The following MAGI1 variants were observed in gnomAD, a reference collection of about 807,000 sequenced individuals.
The protein encoded by MAGI1 is membrane-associated guanylate kinase, WW and PDZ domain-containing protein 1.
In MAGI1, 58 loss-of-function variants were observed where a neutral mutation model predicts 139.9. That is an observed-to-expected ratio of 0.41 (90% CI 0.34 to 0.52). The LOEUF (loss-of-function observed/expected upper bound fraction) is 0.52, where lower values mean the gene tolerates loss of function less well. Among genes scored for constraint, MAGI1 ranks in the 20% least tolerant of loss-of-function variants. MAGI1 has a pLI of 0.12. For synonymous variants in MAGI1, 812 were observed against 737.9 expected, an observed-to-expected ratio of 1.10 and a Z score of -1.63; for missense variants, 1,874 against 1,901.6, an observed-to-expected ratio of 0.99 and a Z score of 0.27.
At chr3:65,949,619 T>C (rs2063700527) in intron 1 of MAGI1, among the ~76,000 whole-genome samples, 2 of 152,214 alleles carry the variant, frequency 1.3e-5, no homozygotes, top group African/African-American at 4.8e-5. Context: ...GAGTTCAACT[T>C]TCTCTCCAAA....
chr3:65,592,326 TG>T (rs2082007521), intron 2 of MAGI1, among the ~76,000 whole-genome samples: 1 of 152,182 alleles, frequency 6.6e-6, no homozygotes, highest in African/African-American at 2.4e-5. Flanking sequence ...AAAGTCAAGT[TG>T]TAACTGAATA....
At chr3:65,782,480 C>CT (rs1455197290) in intron 1 of MAGI1, among the ~76,000 whole-genome samples, 1 of 152,020 alleles carries the variant, frequency 6.6e-6, no homozygotes, top group Non-Finnish European at 1.5e-5. Context: ...TGTTAAGGCA[C>CT]TCACTTTGTG....
intron 1 of MAGI1, among the ~76,000 whole-genome samples, chr3:65,850,981 C>T (rs900424153): frequency 6.6e-5 from 10 of 152,118 alleles, no homozygotes; most frequent in African/African-American, 2.4e-4. Context: ...GTGGCAGGTG[C>T]CTGTAATCCT....
intron 1 of MAGI1, chr3:65,924,929 C>T (rs2062419346): frequency 6.6e-6 from 1 of 152,138 alleles, no homozygotes; most frequent in Non-Finnish European, 1.5e-5. Context: ...TCCATAAAAA[C>T]CCTCTGAGAG....
intron 1 of MAGI1, among the ~76,000 whole-genome samples, chr3:65,922,754 C>A (rs1239922429): frequency 6.6e-6 from 1 of 152,126 alleles, no homozygotes; most frequent in African/African-American, 2.4e-5. Flanking sequence ...GCACTTCATC[C>A]CCAAAGAAAA....
intron 12 of MAGI1, among the ~76,000 whole-genome samples, chr3:65,421,441 T>C (rs1028978565): frequency 1.3e-5 from 2 of 152,164 alleles, no homozygotes; most frequent in African/African-American, 4.8e-5. Flanking sequence ...CCACAGATAG[T>C]GGTGAGTGAG....
intron 5 of MAGI1, 29 bp from the exon 6 acceptor site, chr3:65,453,369 T>C (rs1461654483): frequency 1.3e-6 from 2 of 1,527,270 alleles, no homozygotes; most frequent in Non-Finnish European, 1.8e-6. Flanking sequence ...AATAAGAAAT[T>C]TGTTTGAAAA....
At position 65,418,953 on chromosome 3, in the gene MAGI1, T is replaced by A. The variant is rs189704125; in HGVS notation, c.2167+10567A>T. On this transcript the variant is annotated intron_variant, in intron 12 of 22. Transcript: ENST00000402939. ...CTGCTACAATGGTCTTGTGACACTG[T>A]CTTCTCTTGGGTTCTGTGATACAAC... Among the ~76,000 whole-genome samples the A allele has an allele frequency of 3.8e-3, 575 of 152,300 alleles. 3 individuals are homozygous for A. The highest frequency in any genetic ancestry group is 5.6e-3 in the Non-Finnish European group (381 of 68,026).
chr3:65,509,167 G>T (rs1008999408), intron 2 of MAGI1, among the ~76,000 whole-genome samples: 1 of 5,894 alleles, frequency 1.7e-4, no homozygotes, highest in Non-Finnish European at 7.9e-3. Context: ...GCCTCCAATG[G>T]GTTGTTTCAA....
chr3:65,522,051 G>A (rs1190532074), intron 2 of MAGI1, among the ~76,000 whole-genome samples: 1 of 152,004 alleles, frequency 6.6e-6, no homozygotes, highest in Non-Finnish European at 1.5e-5. Context: ...AATCCAAACG[G>A]AATTTCATAC....
chr3:65,655,295 T>G (rs17073283), intron 1 of MAGI1, among the ~76,000 whole-genome samples: 1 of 151,948 alleles, frequency 6.6e-6, no homozygotes, highest in South Asian at 2.1e-4. Flanking sequence ...TGTAAACCCA[T>G]AAAGGCTCAA....
In MAGI1 at chr3:65,364,897, G is replaced by C; in HGVS notation, c.3246C>G (p.Ile1082Met). ...GCTGAGAAGGGGTGTGTGTGGTGGT[G>C]ATGGTGGCAATCTTCTCTGCATTGG... ...LLTNAEKIAT[I>M]TTTHTPSQQG... is the part of the protein sequence containing the mutation. The change falls in exon 19 of 23, where the codon ATC becomes ATG. Residue 1082 changes from isoleucine (I) to methionine (M), a missense_variant. By Grantham distance (10) the Ile-to-Met change is conservative. Transcript: ENST00000402939. The C allele has an allele frequency of 6.2e-7, 1 of 1,614,062 alleles. No individual in the cohort carries two copies. Among genetic ancestry groups the C allele is most frequent in the Non-Finnish European group, 8.5e-7 (1 of 1,179,966 alleles).
intron 2 of MAGI1, among the ~76,000 whole-genome samples, chr3:65,527,598 G>A (rs2078446229): frequency 1.3e-5 from 2 of 152,086 alleles, no homozygotes; most frequent in African/African-American, 2.4e-5. Flanking sequence ...GGTGGCAGAC[G>A]CCTGTAGTCC....
chr3:65,936,541 GC>G (rs1201509455), intron 1 of MAGI1, among the ~76,000 whole-genome samples: 18 of 150,558 alleles, frequency 1.2e-4, no homozygotes, highest in African/African-American at 3.2e-4. Flanking sequence ...CAGGCAGTGG[GC>G]CAAGATCACA....
chr3:65,766,466 G>T (rs1220524194), intron 1 of MAGI1, among the ~76,000 whole-genome samples: 1 of 152,036 alleles, frequency 6.6e-6, no homozygotes, highest in African/African-American at 2.4e-5. Flanking sequence ...TATTCTCCAT[G>T]TTGGTCAGGC....
At chr3:65,619,846 G>T (rs1037395448) in intron 2 of MAGI1, 1 of 984,286 alleles carries the variant, frequency 1.0e-6, no homozygotes, top group African/African-American at 1.7e-5. Flanking sequence ...AAAATGAATT[G>T]TTACCTGTTT....
chr3:65,525,172 G>C (rs769934640), intron 2 of MAGI1, among the ~76,000 whole-genome samples: 11 of 152,050 alleles, frequency 7.2e-5, no homozygotes, highest in Admixed American at 3.3e-4. Context: ...CCATCAATCA[G>C]CAAGACTGCC....
At chr3:65,452,450 T>C (rs771122320) in intron 6 of MAGI1, 2 of 152,186 alleles carry the variant, frequency 1.3e-5, no homozygotes, top group Non-Finnish European at 2.9e-5. Flanking sequence ...CATGCCAGAA[T>C]TGAATAATGA....
intron 1 of MAGI1, among the ~76,000 whole-genome samples, chr3:65,706,136 A>G: frequency 6.6e-6 from 1 of 152,196 alleles, no homozygotes; most frequent in East Asian, 1.9e-4. Context: ...CTTTTGCTAC[A>G]TTTTGTCAGG....
Sources: allele counts gnomAD v4.1 joint callset (sites outside exome capture counted in the v4.1 genomes callset), GRCh38; gene constraint gnomAD v4.1.1; transcripts MANE v1.5; gene names NCBI Gene and HGNC (gene_info 2026-07-23, HGNC 2026-07-21).